The following RNF10 variants were observed in gnomAD, a reference collection of about 807,000 sequenced individuals.
The protein encoded by RNF10 is E3 ubiquitin-protein ligase RNF10.
In RNF10, 38 loss-of-function variants were observed where a neutral mutation model predicts 91.4. The ratio of observed to expected loss-of-function variants is 0.42; its 90% CI spans 0.32 to 0.54. RNF10 has a LOEUF of 0.54. Ranked by LOEUF, RNF10 falls within the 20% of genes least tolerant of loss-of-function variation. The pLI, the probability that RNF10 is intolerant of heterozygous loss-of-function variation, is 0.16. For synonymous variants in RNF10, 364 were observed against 366.3 expected (o/e 0.99, Z 0.07); for missense variants, 945 against 1,012.0 (o/e 0.93, Z 0.90).
rs1870410598 is a variant in RNF10, at chr12:120,534,412, G to A, written c.-400G>A. ...CAGGTCGGCCTCGGCCCAGGGGCGAGTATCCGTTGCTGTGTCGGAGACACT... is the reference window on the plus strand; with the variant it reads ...CAGGTCGGCCTCGGCCCAGGGGCGAATATCCGTTGCTGTGTCGGAGACACT... On this transcript the variant is annotated 5_prime_UTR_variant, in exon 1 of 17. Coordinates refer to ENST00000325954, the MANE Select transcript of RNF10 (RefSeq NM_014868.5). 5.6e-6 allele frequency: 1 copy of A among 179,478 alleles called. No individual in the cohort carries two copies. The highest frequency in any genetic ancestry group is 2.4e-5 in the African/African-American group (1 of 41,574). 11.1% of individuals were successfully genotyped at this position (179,478 alleles called of 1,614,324 possible). A position where few individuals can be genotyped will look rare whatever the true frequency, so the allele number is the denominator to read the frequency against.
At position 120,546,457 on chromosome 12, in the gene RNF10, C is replaced by G. The variant is rs768767968; in HGVS notation, c.210C>G (p.Ser70=). ...SKRYNRKREL[S]YPKNESFNNQ... is the part of the protein sequence containing the mutation. ...GTTATAATCGCAAACGTGAACTTTC[C>G]TACCCCAAAAATGAAAGTTTTAACA... The change falls in exon 2 of 17, where the codon TCC becomes TCG. Residue 70 remains serine, a synonymous_variant. Transcript: ENST00000325954. 3 of 1,614,110 alleles carry G rather than the reference C, an allele frequency of 1.9e-6. No homozygotes were observed. Among genetic ancestry groups the G allele is most frequent in the Non-Finnish European group, 2.5e-6 (3 of 1,179,990 alleles).
intron 13 of RNF10, among the ~76,000 whole-genome samples, 172 bp from the exon 14 acceptor site, chr12:120,571,019 G>A (rs1253559236): frequency 6.6e-6 from 1 of 151,198 alleles, no homozygotes; most frequent in Non-Finnish European, 1.5e-5. Context: ...TGGTGATATT[G>A]TTGGCTTTTT....
intron 1 of RNF10, chr12:120,539,352 T>A: frequency 8.1e-7 from 1 of 1,232,874 alleles, no homozygotes; most frequent in Non-Finnish European, 1.1e-6. Flanking sequence ...ACCACCTCTC[T>A]CTTCCTTTCA....
At position 120,576,583 on chromosome 12, in the gene RNF10, C is replaced by A; in HGVS notation, c.2360-7C>A. The A allele has an allele frequency of 1.2e-6, 2 of 1,613,044 alleles. No individual in the cohort carries two copies. Among genetic ancestry groups the A allele is most frequent in the Non-Finnish European group, 1.7e-6 (2 of 1,179,558 alleles). On this transcript the variant is annotated splice_region_variant and splice_polypyrimidine_tract_variant and intron_variant, in intron 16 of 16. Coordinates refer to ENST00000325954, the MANE Select transcript of RNF10 (RefSeq NM_014868.5). Reference sequence around the variant, plus strand: ...AAGTTAAGCTGTCTTTCTGTGTCTCCCTTTAGAAGAGAAAGGAGGAAAGAA... The same window carrying A: ...AAGTTAAGCTGTCTTTCTGTGTCTCACTTTAGAAGAGAAAGGAGGAAAGAA...
chr12:120,544,190 G>A (rs1015280685), intron 1 of RNF10, among the ~76,000 whole-genome samples: 55 of 151,986 alleles, frequency 3.6e-4, no homozygotes, highest in Non-Finnish European at 1.9e-4. Flanking sequence ...TTGCGCCACT[G>A]CACTCCAGCC....
At chr12:120,567,270 A>G (rs756862406) in intron 13 of RNF10, among the ~76,000 whole-genome samples, 1 of 151,526 alleles carries the variant, frequency 6.6e-6, no homozygotes, top group Non-Finnish European at 1.5e-5. Context: ...TTTGTTTGAG[A>G]TACTCCCCTG....
At chr12:120,548,886 G>T (rs1201356571) in intron 2 of RNF10, among the ~76,000 whole-genome samples, 1 of 151,922 alleles carries the variant, frequency 6.6e-6, no homozygotes, top group East Asian at 1.9e-4. Context: ...TAGCCACGGT[G>T]GTCTCGATCT....
chr12:120,534,511 C>T lies in RNF10; in HGVS notation c.-301C>T. 1 of 287,848 alleles carries T rather than the reference C, an allele frequency of 3.5e-6. No homozygotes were observed. The highest frequency in any genetic ancestry group is 6.0e-6 in the Non-Finnish European group (1 of 165,610). The allele number at this position is 287,848 out of a possible 1,614,324, so 17.8% of individuals were successfully genotyped here. On this transcript the variant is annotated 5_prime_UTR_variant, in exon 1 of 17. Coordinates refer to ENST00000325954, the MANE Select transcript of RNF10 (RefSeq NM_014868.5). Reference sequence around the variant, plus strand: ...AGAGCGTGTCCGGCCGGCCGGCCGGCGGGGCTCGCGCAACCTCCCTCGCCT... The same window carrying T: ...AGAGCGTGTCCGGCCGGCCGGCCGGTGGGGCTCGCGCAACCTCCCTCGCCT...
chr12:120,565,092 A>G lies in RNF10; in HGVS notation c.1686A>G (p.Arg562=), dbSNP rs529299888. Reference sequence around the variant, plus strand: ...TGTAGGATGTTCGACAGCGTCACAGATATCTCTCTCACTTGCCACTCACCT... The same window carrying G: ...TGTAGGATGTTCGACAGCGTCACAGGTATCTCTCTCACTTGCCACTCACCT... ...SMSEDVRQRH[R]YLSHLPLTCE... is the part of the protein sequence containing the mutation. The change falls in exon 11 of 17, where the codon AGA becomes AGG. Residue 562 remains arginine, a synonymous_variant. Transcript: ENST00000325954. The G allele has an allele frequency of 2.7e-5, 44 of 1,613,676 alleles. No homozygotes were observed. Among genetic ancestry groups the G allele is most frequent in the Middle Eastern group, 1.6e-4 (1 of 6,062 alleles).
chr12:120,572,755 C>T (rs1876834314), intron 14 of RNF10, among the ~76,000 whole-genome samples: 1 of 152,044 alleles, frequency 6.6e-6, no homozygotes, highest in Admixed American at 6.6e-5. Flanking sequence ...CGCCTACCAC[C>T]ATGCCCGGCT....
At position 120,551,293 on chromosome 12, in the gene RNF10, T is replaced by TTTG. The variant is rs199533622; in HGVS notation, c.355-1204_355-1203insGTT. The stretch of plus-strand genomic sequence containing the variant: ...GAGCCACTGCGCCCATCCTAGTGTT[T>TTTG]TTTTTTTTTTTTTTTTTTTGAAATG... On this transcript the variant is annotated intron_variant, in intron 2 of 16. Coordinates refer to ENST00000325954, the MANE Select transcript of RNF10 (RefSeq NM_014868.5). 5.6e-3 allele frequency among the ~76,000 whole-genome samples: 701 copies of TTTG among 125,824 alleles called. 8 individuals carry two copies. Among genetic ancestry groups the TTTG allele is most frequent in the African/African-American group, 0.02 (647 of 32,802 alleles). 82.5% of individuals were successfully genotyped at this position (125,824 alleles called of 152,430 possible).
At chr12:120,556,668 G>A (rs1327053785) in intron 4 of RNF10, among the ~76,000 whole-genome samples, 1 of 148,888 alleles carries the variant, frequency 6.7e-6, no homozygotes, top group Non-Finnish European at 1.5e-5. Context: ...GTTCTTTGTT[G>A]GAAGTTACTG....
At chr12:120,571,132 T>C (rs1304888757) in intron 13 of RNF10, 59 bp from the exon 14 acceptor site, 46 of 1,171,172 alleles carry the variant, frequency 3.9e-5, no homozygotes, top group Non-Finnish European at 5.5e-5. Context: ...CTCATCTCTC[T>C]TGTTAAGGAC....
At chr12:120,536,240 A>G (rs899936900) in intron 1 of RNF10, among the ~76,000 whole-genome samples, 2 of 151,920 alleles carry the variant, frequency 1.3e-5, no homozygotes. Flanking sequence ...TGGGCAAGAT[A>G]GTAAGACCCT....
At chr12:120,576,072 C>A in intron 16 of RNF10, 122 bp downstream of exon 16, 1 of 984,092 alleles carries the variant, frequency 1.0e-6, no homozygotes. Context: ...CCCTTCAGCA[C>A]ACTCTAGTGT....
At chr12:120,536,762 G>A (rs1387324776) in intron 1 of RNF10, among the ~76,000 whole-genome samples, 2 of 152,170 alleles carry the variant, frequency 1.3e-5, no homozygotes, top group Non-Finnish European at 1.5e-5. Flanking sequence ...TGTATGTTAA[G>A]GATTTGGTTC....
rs371545443 is a variant in RNF10 at position 120,553,132 on chromosome 12, A to G, written c.554+434A>G. 2.8e-4 allele frequency among the ~76,000 whole-genome samples: 32 copies of G among 115,850 alleles called. No individual in the cohort carries two copies. The East Asian group carries it at 6.1e-3, about 22-fold the overall frequency. 76.0% of individuals were successfully genotyped at this position (115,850 alleles called of 152,430 possible). ...GTAGTCTCGCTCTGCCACCCAGGCT[A>G]GAGTGCGGTGGCGTGATCTCGGCTC... On this transcript the variant is annotated intron_variant, in intron 3 of 16. Coordinates refer to ENST00000325954, the MANE Select transcript of RNF10 (RefSeq NM_014868.5).
At position 120,563,633 on chromosome 12, in the gene RNF10, C is replaced by A. The variant is rs764483134; in HGVS notation, c.1531+10C>A. ...TACTACTTTTACCAAGGTGAGGGTG[C>A]CGGAAGAGAGGGCTGGGTTGCCGCA... On this transcript the variant is annotated intron_variant, in intron 9 of 16. Coordinates refer to ENST00000325954, the MANE Select transcript of RNF10 (RefSeq NM_014868.5). 1 of 1,585,682 alleles carries A rather than the reference C, an allele frequency of 6.3e-7. No individual in the cohort carries two copies.
intron 4 of RNF10, 109 bp from the exon 5 acceptor site, chr12:120,557,173 G>A (rs1184744503): frequency 1.2e-5 from 11 of 889,724 alleles, no homozygotes; most frequent in East Asian, 2.4e-5. Context: ...AAGGATGTAC[G>A]GGGATAGAGA....
Sources: allele counts gnomAD v4.1 joint callset (sites outside exome capture counted in the v4.1 genomes callset), GRCh38; gene constraint gnomAD v4.1.1; transcripts MANE v1.5; gene names NCBI Gene and HGNC (gene_info 2026-07-23, HGNC 2026-07-21).